Variants in ZFHX4 observed in about 807,000 individuals in gnomAD.
ZFHX4 encodes zinc finger homeobox protein 4.
In ZFHX4, 56 loss-of-function variants were observed where a neutral mutation model predicts 267.6. That is an observed-to-expected ratio of 0.21 (90% CI 0.17 to 0.26). The LOEUF is 0.26. Among genes scored for constraint, ZFHX4 ranks in the 10% least tolerant of loss-of-function variants. The probability of loss-of-function intolerance (pLI) is 1.00; values close to 1 mark genes in which losing one functional copy is unlikely to be tolerated. For synonymous variants in ZFHX4, 1,778 were observed against 1,665.6 expected (o/e 1.07, Z -1.64); for missense variants, 4,332 against 4,420.0 (o/e 0.98, Z 0.56).
chr8:76,822,264 C>T (rs1391435579), intron 4 of ZFHX4, among the ~76,000 whole-genome samples: 1 of 152,076 alleles, frequency 6.6e-6, no homozygotes, highest in African/African-American at 2.4e-5. Context: ...CAAGTCCTAT[C>T]TACTGCTCTT....
intron 5 of ZFHX4, among the ~76,000 whole-genome samples, chr8:76,835,276 T>TATATA (rs1554572221): frequency 2.7e-5 from 4 of 146,460 alleles, no homozygotes; most frequent in African/African-American, 5.0e-5. Flanking sequence ...CATATATTTG[T>TATATA]TAAAAATGGC....
Position 76,855,491 on chromosome 8 carries a change from C to T in ZFHX4, c.8570C>T (p.Thr2857Met), listed in dbSNP as rs1230902501. The T allele has an allele frequency of 2.5e-6, 4 of 1,613,840 alleles. No individual in the cohort carries two copies. Among genetic ancestry groups the T allele is most frequent in the Non-Finnish European group, 3.4e-6 (4 of 1,179,870 alleles). Residue 2857 changes from threonine to methionine, a missense_variant, in exon 10 of 11, where the codon ACG becomes ATG. Coordinates refer to ENST00000651372, the MANE Select transcript of ZFHX4 (RefSeq NM_024721.5). ...CCAAAACCTGCAACCACACCTACCA[C>T]GGAGGTCTGCGATGACAAATTTCTC... ...TLPKPATTPT[T>M]EVCDDKFLFS... is the part of the protein sequence containing the mutation.
At chr8:76,827,011 C>A (rs1396826134) in intron 4 of ZFHX4, among the ~76,000 whole-genome samples, 1 of 152,188 alleles carries the variant, frequency 6.6e-6, no homozygotes, top group African/African-American at 2.4e-5. Flanking sequence ...AGCAACCTAG[C>A]AAAGCCAGCA....
chr8:76,808,301 C>T (rs1280225802), intron 4 of ZFHX4, among the ~76,000 whole-genome samples: 1 of 152,092 alleles, frequency 6.6e-6, no homozygotes, highest in Non-Finnish European at 1.5e-5. Flanking sequence ...AATAGTCACC[C>T]AAATAATCTA....
Position 76,686,061 on chromosome 8 carries a change from C to T in ZFHX4, c.-47+4441C>T, listed in dbSNP as rs187382297. On this transcript the variant is annotated intron_variant, in intron 1 of 10. Coordinates refer to ENST00000651372, the MANE Select transcript of ZFHX4 (RefSeq NM_024721.5). ...AAAGATTGTGACTTTATCACATAAT[C>T]TTGGGAAGGCCTACTGTCTATCATT... Among the ~76,000 whole-genome samples, 30 of 152,282 alleles carry T rather than the reference C, an allele frequency of 2.0e-4. No homozygotes were observed. The East Asian group carries it at 5.4e-3, about 27-fold the overall frequency.
At chr8:76,717,494 G>A (rs1434213804) in intron 3 of ZFHX4, among the ~76,000 whole-genome samples, 1 of 152,196 alleles carries the variant, frequency 6.6e-6, no homozygotes, top group Non-Finnish European at 1.5e-5. Context: ...TTCATTTACT[G>A]GAAAGTAAGA....
At chr8:76,840,368 T>G (rs1812204129) in intron 5 of ZFHX4, among the ~76,000 whole-genome samples, 1 of 152,156 alleles carries the variant, frequency 6.6e-6, no homozygotes, top group African/African-American at 2.4e-5. Flanking sequence ...ACAGAGTCTT[T>G]GTTCACATTC....
chr8:76,823,130 CT>C (rs201717109), intron 4 of ZFHX4, among the ~76,000 whole-genome samples: 11,109 of 136,128 alleles, frequency 0.082, 606 homozygotes, highest in East Asian at 0.23. Context: ...ATAGTGTCTC[CT>C]TTTTTTTTTT....
intron 4 of ZFHX4, among the ~76,000 whole-genome samples, chr8:76,811,055 A>G (rs1467672830): frequency 1.3e-5 from 2 of 152,158 alleles, no homozygotes; most frequent in East Asian, 1.9e-4. Flanking sequence ...GAGCAGTCCT[A>G]TAATTTACAT....
rs559664195 is a variant in ZFHX4, at chr8:76,714,168, T to C, written c.3093+6120T>C. ...CAAAGGTGTTCTCTCATAATTAATG[T>C]GCTCTCCCTGTGTGTTTCTGTGGCT... On this transcript the variant is annotated intron_variant, in intron 3 of 10. Transcript: ENST00000651372. 5.9e-5 allele frequency among the ~76,000 whole-genome samples: 9 copies of C among 152,334 alleles called. No individual in the cohort carries two copies. In the East Asian group the frequency reaches 1.5e-3, roughly 26 times the overall value.
intron 10 of ZFHX4, among the ~76,000 whole-genome samples, chr8:76,859,252 A>G (rs182787426): frequency 1.3e-5 from 2 of 152,244 alleles, no homozygotes; most frequent in Non-Finnish European, 2.9e-5. Flanking sequence ...TTCAAGGGTA[A>G]TATTCATCAT....
intron 4 of ZFHX4, among the ~76,000 whole-genome samples, chr8:76,784,946 A>C (rs988353897): frequency 2.6e-5 from 4 of 152,208 alleles, no homozygotes; most frequent in African/African-American, 9.6e-5. Flanking sequence ...ACAAAATAAA[A>C]ATATGAAATA....
rs1563560877 is a variant in ZFHX4 at position 76,852,865 on chromosome 8, G to A, written c.5944G>A (p.Ala1982Thr). The A allele has an allele frequency of 6.2e-7, 1 of 1,613,790 alleles. No individual in the cohort carries two copies. Among genetic ancestry groups the A allele is most frequent in the Admixed American group, 1.7e-5 (1 of 60,008 alleles). The change falls in exon 10 of 11, where the codon GCT (alanine) becomes ACT (threonine). Residue 1982 changes from alanine to threonine, a missense_variant. Transcript: ENST00000651372. ...TCCATATGCAGCGCTAGAAAAATTT[G>A]CTCGTCAATACAGGGAGGCCTATGA... ...FFPYAALEKF[A>T]RQYREAYDKL...
chr8:76,714,836 A>G (rs1808521551), intron 3 of ZFHX4, among the ~76,000 whole-genome samples: 2 of 152,176 alleles, frequency 1.3e-5, no homozygotes, highest in Non-Finnish European at 2.9e-5. Flanking sequence ...TCTGCTCACC[A>G]ATATTATGGG....
chr8:76,717,970 C>A (rs1009312306), intron 3 of ZFHX4, among the ~76,000 whole-genome samples: 2 of 152,172 alleles, frequency 1.3e-5, no homozygotes, highest in Non-Finnish European at 2.9e-5. Context: ...ATTCGTTTGG[C>A]AGGCCTGAGA....
At chr8:76,783,309 T>C (rs1810601766) in intron 4 of ZFHX4, among the ~76,000 whole-genome samples, 1 of 152,038 alleles carries the variant, frequency 6.6e-6, no homozygotes, top group South Asian at 2.1e-4. Context: ...TGACGTGTTG[T>C]TGCATGATGC....
chr8:76,768,313 T>A (rs181560419), intron 3 of ZFHX4, among the ~76,000 whole-genome samples: 102 of 152,252 alleles, frequency 6.7e-4, no homozygotes, highest in African/African-American at 2.3e-3. Flanking sequence ...ACTGATGGAT[T>A]TTAATTGCAG....
intron 3 of ZFHX4, among the ~76,000 whole-genome samples, chr8:76,752,508 A>AAAAAAAAAAAG (rs1809646119): frequency 6.7e-6 from 1 of 149,900 alleles, no homozygotes; most frequent in Non-Finnish European, 1.5e-5. Flanking sequence ...AAAAAAAAAA[A>AAAAAAAAAAAG]AGAAAAAAGA....
chr8:76,842,810 A>T, intron 6 of ZFHX4, 39 bp downstream of exon 6: 1 of 1,420,408 alleles, frequency 7.0e-7, no homozygotes, highest in Non-Finnish European at 9.7e-7. Flanking sequence ...ATTTCCCTAT[A>T]CCCATTCCCT....
Sources: gnomAD v4.1 joint callset for allele counts (sites outside exome capture counted in the v4.1 genomes callset) on GRCh38, gnomAD v4.1.1 for gene constraint, MANE v1.5 for transcripts, NCBI Gene and HGNC (gene_info 2026-07-23, HGNC 2026-07-21) for gene names.